ADGRV1: variants seen among roughly 807,000 people sequenced by gnomAD.
ADGRV1 encodes the protein adhesion G protein-coupled receptor V1.
A neutral mutation model predicts 596.2 loss-of-function variants in ADGRV1; 359 were observed. The observed-to-expected ratio is 0.60, with a 90% CI of 0.55 to 0.66. ADGRV1 has a LOEUF of 0.66. Among genes scored for constraint, ADGRV1 ranks in the 30% least tolerant of loss-of-function variants. The pLI is 0.00. For missense variants in ADGRV1, 7,274 were observed against 7,575.6 expected, an observed-to-expected ratio of 0.96 and a Z score of 1.48; for synonymous variants, 2,681 against 2,679.2, an observed-to-expected ratio of 1.00 and a Z score of -0.02.
At position 90,712,157 on chromosome 5, in the gene ADGRV1, G is replaced by T. The variant is rs1749448953; in HGVS notation, c.9043-130G>T. 3 of 548,612 alleles carry T rather than the reference G, an allele frequency of 5.5e-6. No individual in the cohort carries two copies. In the South Asian group the frequency reaches 1.4e-4, roughly 25 times the overall value. The allele number at this position is 548,612 out of a possible 1,614,324, so 34.0% of individuals were successfully genotyped here. A position where few individuals can be genotyped will look rare whatever the true frequency, so the allele number is the denominator to read the frequency against. ...TAAAAAGATATAAACCAAAATATAAGGAGACAAAATTCAATGTAAAATAGC... is the reference window on the plus strand; with the variant it reads ...TAAAAAGATATAAACCAAAATATAATGAGACAAAATTCAATGTAAAATAGC... On this transcript the variant is annotated intron_variant, in intron 41 of 89. Transcript: ENST00000405460.
chr5:90,896,327 G>T (rs1385845903), intron 83 of ADGRV1, among the ~76,000 whole-genome samples: 1 of 127,346 alleles, frequency 7.9e-6, no homozygotes, highest in Non-Finnish European at 1.6e-5. Flanking sequence ...CTGGAGTGCA[G>T]TGGCGTGATT....
At chr5:90,997,372 GCTCT>G (rs146164431) in intron 85 of ADGRV1, among the ~76,000 whole-genome samples, 32,447 of 151,808 alleles carry the variant, frequency 0.21, 3,593 homozygotes, top group East Asian at 0.38. Flanking sequence ...CTTCCCCTTT[GCTCT>G]CTCTTTTTCC....
intron 21 of ADGRV1, among the ~76,000 whole-genome samples, chr5:90,663,114 T>C (rs1770660317): frequency 6.6e-6 from 1 of 150,596 alleles, no homozygotes; most frequent in Non-Finnish European, 1.5e-5. Flanking sequence ...TACAGTCCTT[T>C]GGGTATATAC....
intron 83 of ADGRV1, among the ~76,000 whole-genome samples, chr5:90,894,050 C>G (rs933322274): frequency 2.0e-5 from 3 of 152,126 alleles, no homozygotes; most frequent in African/African-American, 7.2e-5. Flanking sequence ...AATAAAGACT[C>G]AAAATATTAA....
chr5:90,916,685 T>G (rs1773395528), intron 83 of ADGRV1, among the ~76,000 whole-genome samples: 1 of 141,744 alleles, frequency 7.1e-6, no homozygotes, highest in Non-Finnish European at 1.5e-5. Context: ...CAGGCTGGAG[T>G]GCAGTGGCGG....
rs568749251 is a variant in ADGRV1 at position 90,661,576 on chromosome 5, G to T, written c.4752+3298G>T. The stretch of plus-strand genomic sequence containing the variant: ...ATAGAGAAGGCCAATTCATGGTTCA[G>T]AATACTGCATTATTTTTTCTAAGAA... On this transcript the variant is annotated intron_variant, in intron 21 of 89. Transcript: ENST00000405460. Among the ~76,000 whole-genome samples the T allele has an allele frequency of 3.9e-5, 6 of 152,116 alleles. No homozygotes were observed. In the South Asian group the frequency reaches 1.0e-3, roughly 26 times the overall value.
chr5:91,003,939 G>T (rs2151116581), intron 85 of ADGRV1, among the ~76,000 whole-genome samples: 1 of 152,214 alleles, frequency 6.6e-6, no homozygotes, highest in East Asian at 1.9e-4. Context: ...AATCTAAAAT[G>T]AAGTGAGGCT....
intron 85 of ADGRV1, among the ~76,000 whole-genome samples, chr5:91,033,035 T>C (rs1292316311): frequency 1.3e-5 from 2 of 152,230 alleles, no homozygotes; most frequent in Non-Finnish European, 2.9e-5. Context: ...GTGGGTTTTA[T>C]ACATTTACAG....
At position 90,712,426 on chromosome 5, in the gene ADGRV1, T is replaced by C; in HGVS notation, c.9182T>C (p.Ile3061Thr). Reference sequence around the variant, plus strand: ...GGACTAGAGCTAGGGAAAAATACAATAGGTAATTAATAATTTCTTATAAAC... The same window carrying C: ...GGACTAGAGCTAGGGAAAAATACAACAGGTAATTAATAATTTCTTATAAAC... ...SPGLELGKNT[I>T]ALIIVLANDD... is the part of the protein sequence containing the mutation. Residue 3061 changes from isoleucine to threonine, a missense_variant and splice_region_variant, in exon 42 of 90, where the codon ATA (isoleucine) becomes ACA (threonine). Ile to Thr is a moderately conservative substitution (Grantham distance 89, BLOSUM62 -1). Transcript: ENST00000405460. The C allele has an allele frequency of 6.3e-7, 1 of 1,582,496 alleles. No homozygotes were observed. The highest frequency in any genetic ancestry group is 8.6e-7 in the Non-Finnish European group (1 of 1,161,586).
intron 75 of ADGRV1, among the ~76,000 whole-genome samples, chr5:90,823,206 A>G (rs953161189): frequency 1.3e-5 from 2 of 152,208 alleles, no homozygotes; most frequent in African/African-American, 2.4e-5. Flanking sequence ...AGTGTATTCA[A>G]AGAAAACCAC....
At chr5:90,947,296 G>A (rs1395774137) in intron 83 of ADGRV1, among the ~76,000 whole-genome samples, 1 of 150,564 alleles carries the variant, frequency 6.6e-6, no homozygotes, top group African/African-American at 2.5e-5. Context: ...CTTTTGAGAA[G>A]TGTCTGTTCG....
At chr5:90,805,217 A>T (rs1437499637) in intron 71 of ADGRV1, 67 bp from the exon 72 acceptor site, 1 of 1,390,324 alleles carries the variant, frequency 7.2e-7, no homozygotes, top group African/African-American at 1.4e-5. Context: ...TTTACGTTTA[A>T]CCCATTCCTC....
chr5:90,787,519 T>TG (rs1182996084), intron 67 of ADGRV1, among the ~76,000 whole-genome samples: 4 of 151,962 alleles, frequency 2.6e-5, no homozygotes, highest in Admixed American at 2.0e-4. Context: ...TCCTATGTGA[T>TG]GACAAATTAT....
intron 31 of ADGRV1, among the ~76,000 whole-genome samples, chr5:90,692,246 A>G: frequency 6.6e-6 from 1 of 152,290 alleles, no homozygotes. Context: ...GCTCCATTAA[A>G]ATGTATATTT....
intron 2 of ADGRV1, among the ~76,000 whole-genome samples, chr5:90,616,345 A>C (rs1763367180): frequency 6.6e-6 from 1 of 152,104 alleles, no homozygotes; most frequent in Non-Finnish European, 1.5e-5. Flanking sequence ...TCTTACCAGT[A>C]ATGCTGATTT....
chr5:90,929,685 A>G (rs1053376293), intron 83 of ADGRV1: 1 of 152,212 alleles, frequency 6.6e-6, no homozygotes, highest in African/African-American at 2.4e-5. Context: ...AGTGCTGACA[A>G]CATCTCAGAT....
chr5:90,713,735 G>T (rs892651064), intron 42 of ADGRV1, among the ~76,000 whole-genome samples: 1 of 152,162 alleles, frequency 6.6e-6, no homozygotes, highest in African/African-American at 2.4e-5. Flanking sequence ...ACAGGAAAGA[G>T]AGAGTATTCA....
intron 87 of ADGRV1, among the ~76,000 whole-genome samples, chr5:91,144,232 C>T (rs1352369674): frequency 1.3e-5 from 2 of 152,194 alleles, no homozygotes; most frequent in South Asian, 2.1e-4. Flanking sequence ...CCAGCATCTC[C>T]GCAGTAGCCA....
At chr5:90,593,559 C>T (rs1759817442) in intron 1 of ADGRV1, among the ~76,000 whole-genome samples, 1 of 152,072 alleles carries the variant, frequency 6.6e-6, no homozygotes, top group South Asian at 2.1e-4. Flanking sequence ...TGTAACAAAC[C>T]TGCGCATTGT....
Sources: allele counts gnomAD v4.1 joint callset (sites outside exome capture counted in the v4.1 genomes callset), GRCh38; gene constraint gnomAD v4.1.1; transcripts MANE v1.5; gene names NCBI Gene and HGNC (gene_info 2026-07-23, HGNC 2026-07-21).